The following GMDS variants were observed in gnomAD, a reference collection of about 807,000 sequenced individuals.
The protein encoded by GMDS is GDP-mannose 4,6-dehydratase, also known as GDP-mannose 4,6 dehydratase.
A neutral mutation model predicts 49.9 loss-of-function variants in GMDS; 20 were observed. That is an observed-to-expected ratio of 0.40 (90% CI 0.28 to 0.58). The LOEUF (loss-of-function observed/expected upper bound fraction) is 0.58. Ranked by LOEUF, GMDS falls within the 20% of genes least tolerant of loss-of-function variation. The probability of loss-of-function intolerance (pLI) is 0.42; values close to 1 mark genes in which losing one functional copy is unlikely to be tolerated. For synonymous variants in GMDS, 177 were observed against 178.6 expected (o/e 0.99, Z 0.07); for missense variants, 362 against 481.4 (o/e 0.75, Z 2.32).
intron 7 of GMDS, among the ~76,000 whole-genome samples, chr6:1,892,766 AAAG>A (rs1348474320): frequency 2.6e-5 from 4 of 152,240 alleles, no homozygotes; most frequent in Admixed American, 6.5e-5. Flanking sequence ...TGTTTGCAAA[AAAG>A]AAGGTGTTAC....
At chr6:1,644,638 C>A (rs933289788) in intron 9 of GMDS, among the ~76,000 whole-genome samples, 4 of 152,212 alleles carry the variant, frequency 2.6e-5, no homozygotes, top group Non-Finnish European at 4.4e-5. Flanking sequence ...CTGCTCTAAT[C>A]CCTGCTGCCC....
intron 9 of GMDS, among the ~76,000 whole-genome samples, chr6:1,630,925 A>G (rs1413737729): frequency 6.6e-6 from 1 of 152,090 alleles, no homozygotes; most frequent in African/African-American, 2.4e-5. Flanking sequence ...CATTTAATGA[A>G]AAGGAGATAA....
chr6:2,241,402 G>T (rs542832284), intron 1 of GMDS, among the ~76,000 whole-genome samples: 1 of 152,314 alleles, frequency 6.6e-6, no homozygotes, highest in South Asian at 2.1e-4. Context: ...TGAGAAAGAT[G>T]ATTGTATTTT....
intron 4 of GMDS, among the ~76,000 whole-genome samples, chr6:2,095,751 T>C (rs1436098754): frequency 4.6e-5 from 7 of 152,214 alleles, no homozygotes; most frequent in African/African-American, 1.4e-4. Context: ...TGGAAGTCAT[T>C]TGAACATAAA....
At chr6:2,059,175 C>CAAAAAAAA (rs55832305) in intron 4 of GMDS, among the ~76,000 whole-genome samples, 2 of 30,016 alleles carry the variant, frequency 6.7e-5, no homozygotes, top group African/African-American at 2.6e-4. Context: ...TCCTCTGTCT[C>CAAAAAAAA]AAAAAAAAAA....
chr6:2,035,161 G>A (rs1769221939), intron 4 of GMDS, among the ~76,000 whole-genome samples: 1 of 152,152 alleles, frequency 6.6e-6, no homozygotes, highest in Non-Finnish European at 1.5e-5. Context: ...CCTGAACACT[G>A]TCTCCTCTCA....
intron 9 of GMDS, among the ~76,000 whole-genome samples, chr6:1,688,142 G>A (rs1475315105): frequency 6.6e-6 from 1 of 152,200 alleles, no homozygotes; most frequent in Non-Finnish European, 1.5e-5. Context: ...ATTTCCGAAG[G>A]AGAGTGAGTG....
At chr6:2,091,659 G>A (rs529174717) in intron 4 of GMDS, among the ~76,000 whole-genome samples, 4 of 152,170 alleles carry the variant, frequency 2.6e-5, no homozygotes, top group Non-Finnish European at 4.4e-5. Flanking sequence ...AACAGCTCAC[G>A]CCTATAAGGG....
At chr6:1,827,219 C>T (rs1488299511) in intron 7 of GMDS, among the ~76,000 whole-genome samples, 1 of 150,562 alleles carries the variant, frequency 6.6e-6, no homozygotes, top group Admixed American at 6.6e-5. Context: ...ACACTCGCTT[C>T]AAGGGATTGA....
At chr6:2,030,619 G>A (rs1306886800) in intron 4 of GMDS, among the ~76,000 whole-genome samples, 1 of 152,152 alleles carries the variant, frequency 6.6e-6, no homozygotes, top group Non-Finnish European at 1.5e-5. Context: ...GCACACAGAA[G>A]AATTTATAAG....
intron 1 of GMDS, among the ~76,000 whole-genome samples, chr6:2,203,574 A>AT (rs970981964): frequency 2.3e-4 from 34 of 149,872 alleles, no homozygotes; most frequent in East Asian, 9.7e-4. Flanking sequence ...TTAGGCTATG[A>AT]TTTTTTTTTT....
chr6:1,776,432 A>T (rs1768836419), intron 7 of GMDS, among the ~76,000 whole-genome samples: 1 of 152,078 alleles, frequency 6.6e-6, no homozygotes, highest in African/African-American at 2.4e-5. Context: ...TCACATCTGT[A>T]ATCTCAGTGC....
At chr6:2,185,332 A>G (rs909875229) in intron 1 of GMDS, among the ~76,000 whole-genome samples, 6 of 152,184 alleles carry the variant, frequency 3.9e-5, no homozygotes, top group East Asian at 1.9e-4. Flanking sequence ...ATCTGATCCA[A>G]TGTGGTACTT....
intron 9 of GMDS, among the ~76,000 whole-genome samples, chr6:1,695,072 T>TA (rs34615827): frequency 0.52 from 78,322 of 151,170 alleles, 21,542 homozygotes; most frequent in Middle Eastern, 0.64. Flanking sequence ...ATGAGCAAAT[T>TA]AAAAAAAAAT....
chr6:1,906,501 T>A (rs1454118196), intron 7 of GMDS, among the ~76,000 whole-genome samples: 1 of 152,216 alleles, frequency 6.6e-6, no homozygotes. Flanking sequence ...AGATTTTAAT[T>A]TTTATTGCCT....
chr6:1,853,281 G>T lies in GMDS; in HGVS notation c.771+76822C>A, dbSNP rs868441285. Reference sequence around the variant, plus strand: ...TGCCTGTAATCCCAGCACTTTGGGAGGCCGAGGCGGGCGGATCACGAGGTC... The same window carrying T: ...TGCCTGTAATCCCAGCACTTTGGGATGCCGAGGCGGGCGGATCACGAGGTC... On this transcript the variant is annotated intron_variant, in intron 7 of 10. Transcript: ENST00000380815. 3.3e-5 allele frequency among the ~76,000 whole-genome samples: 5 copies of T among 151,662 alleles called. No homozygotes were observed. In the South Asian group the frequency reaches 1.0e-3, roughly 32 times the overall value.
chr6:1,876,702 T>G (rs1197460163), intron 7 of GMDS, among the ~76,000 whole-genome samples: 5 of 152,218 alleles, frequency 3.3e-5, no homozygotes, highest in Admixed American at 6.5e-5. Flanking sequence ...AATATAAATA[T>G]AAATACAATA....
intron 7 of GMDS, among the ~76,000 whole-genome samples, chr6:1,910,217 T>C (rs758555405): frequency 7.2e-5 from 11 of 151,740 alleles, no homozygotes; most frequent in Non-Finnish European, 1.6e-4. Context: ...ATTTTATTTC[T>C]ATCAGGTAGC....
chr6:1,737,520 CAGAG>C (rs1450427175), intron 8 of GMDS, among the ~76,000 whole-genome samples: 1 of 150,336 alleles, frequency 6.7e-6, no homozygotes, highest in East Asian at 2.0e-4. Context: ...CACACACACA[CAGAG>C]ATACACACAC....
Sources: gnomAD v4.1 joint callset for allele counts (sites outside exome capture counted in the v4.1 genomes callset) on GRCh38, gnomAD v4.1.1 for gene constraint, MANE v1.5 for transcripts, NCBI Gene and HGNC (gene_info 2026-07-23, HGNC 2026-07-21) for gene names.